The following PRR5L variants were observed in gnomAD, a reference collection of about 807,000 sequenced individuals.
The protein encoded by PRR5L is proline-rich protein 5-like.
In PRR5L, 21 loss-of-function variants were observed where a neutral mutation model predicts 36.4. The observed-to-expected ratio is 0.58, with a 90% CI of 0.41 to 0.83. The LOEUF (loss-of-function observed/expected upper bound fraction) is 0.83, where lower values mean the gene tolerates loss of function less well. PRR5L is among the 40% of genes least tolerant of loss of function. The pLI is 0.00. For missense variants in PRR5L, 381 were observed against 473.3 expected (o/e 0.80, Z 1.81); for synonymous variants, 188 against 197.0 (o/e 0.95, Z 0.38).
rs73445109 is a variant in PRR5L at position 36,377,024 on chromosome 11, T to A, written c.-125-23973T>A. The stretch of plus-strand genomic sequence containing the variant: ...CCGTGAGGTGGGATGCGGATGCTGG[T>A]GATCATGGGACCTAGGCTGAGCCGG... On this transcript the variant is annotated intron_variant, in intron 1 of 8. Transcript: ENST00000530639. The surrounding 1 kb of genome is among the most constrained non-coding windows in gnomAD (Gnocchi z 5.1). Among the ~76,000 whole-genome samples the A allele has an allele frequency of 0.033, 5,007 of 152,146 alleles. 289 individuals carry two copies. Among genetic ancestry groups the A allele is most frequent in the African/African-American group, 0.11 (4,700 of 41,510 alleles).
At chr11:36,301,441 G>A (rs1856375531) in intron 1 of PRR5L, among the ~76,000 whole-genome samples, 1 of 152,190 alleles carries the variant, frequency 6.6e-6, no homozygotes, top group South Asian at 2.1e-4. Flanking sequence ...ATGGGAATGG[G>A]GAGGGGTTAA....
intron 1 of PRR5L, among the ~76,000 whole-genome samples, chr11:36,310,992 C>T: frequency 1.3e-5 from 1 of 74,184 alleles, no homozygotes. Context: ...GAGACTCCGT[C>T]TCCAAAAAAA....
intron 5 of PRR5L, among the ~76,000 whole-genome samples, chr11:36,434,886 G>T (rs981197180): frequency 6.6e-6 from 1 of 152,074 alleles, no homozygotes; most frequent in African/African-American, 2.4e-5. Context: ...TTAGACCTGG[G>T]TTCTCGGGAG....
At chr11:36,316,123 C>T (rs929966412) in intron 1 of PRR5L, among the ~76,000 whole-genome samples, 3 of 152,056 alleles carry the variant, frequency 2.0e-5, no homozygotes, top group Non-Finnish European at 2.9e-5. Flanking sequence ...TTATGAAGGG[C>T]GAGATAGAAA....
intron 1 of PRR5L, among the ~76,000 whole-genome samples, chr11:36,303,747 G>A (rs992400607): frequency 5.9e-5 from 9 of 152,172 alleles, no homozygotes; most frequent in Non-Finnish European, 1.3e-4. Flanking sequence ...TCTTCAGAGG[G>A]CTTAACTGGA....
chr11:36,416,217 C>T (rs1240558149), intron 3 of PRR5L, among the ~76,000 whole-genome samples: 1 of 152,106 alleles, frequency 6.6e-6, no homozygotes, highest in Non-Finnish European at 1.5e-5. Context: ...CCCTGTCTAA[C>T]CATGTTATCA....
At chr11:36,394,056 AT>A (rs1857610763) in intron 1 of PRR5L, 1 of 152,238 alleles carries the variant, frequency 6.6e-6, no homozygotes. Flanking sequence ...AGCCTGCTGT[AT>A]TTTGTAATAG....
At chr11:36,428,941 G>C (rs1858437524) in intron 4 of PRR5L, among the ~76,000 whole-genome samples, 2 of 151,912 alleles carry the variant, frequency 1.3e-5, no homozygotes. Context: ...CTCTTATTTT[G>C]GTCTAAGCTA....
intron 1 of PRR5L, among the ~76,000 whole-genome samples, chr11:36,331,616 C>T (rs1856719995): frequency 6.6e-6 from 1 of 152,120 alleles, no homozygotes; most frequent in Non-Finnish European, 1.5e-5. Context: ...AAACTTTATC[C>T]TTTTAAGAGA....
intron 1 of PRR5L, among the ~76,000 whole-genome samples, chr11:36,299,420 C>G (rs574199659): frequency 6.6e-6 from 1 of 152,220 alleles, no homozygotes; most frequent in Non-Finnish European, 1.5e-5. Context: ...CTCTACACCA[C>G]CAACTGTTCT....
chr11:36,385,508 A>G (rs147474525), intron 1 of PRR5L, among the ~76,000 whole-genome samples: 7 of 152,358 alleles, frequency 4.6e-5, no homozygotes, highest in African/African-American at 1.7e-4. Context: ...CACTTAGTGA[A>G]CACCGTTAAG....
Position 36,312,967 on chromosome 11 carries a change from T to TG in PRR5L, c.-126+16534dup, listed in dbSNP as rs557987344. 8.4e-4 allele frequency among the ~76,000 whole-genome samples: 128 copies of TG among 152,336 alleles called. 2 individuals carry two copies. The highest frequency in any genetic ancestry group is 3.0e-3 in the African/African-American group (126 of 41,562). ...CATTCCAGCTTCCAAGGGCTGAGTG[T>TG]GGGGGTCTCCAGAGGAGCCGCTTTA... On this transcript the variant is annotated intron_variant, in intron 1 of 8. Coordinates refer to ENST00000530639, the MANE Select transcript of PRR5L (RefSeq NM_001160167.2).
chr11:36,433,904 G>C (rs1388399885), intron 5 of PRR5L, among the ~76,000 whole-genome samples: 1 of 152,202 alleles, frequency 6.6e-6, no homozygotes, highest in Non-Finnish European at 1.5e-5. Context: ...GTGGTAAAGG[G>C]AGGGAAAGGA....
At chr11:36,412,011 A>T (rs565287017) in intron 3 of PRR5L, among the ~76,000 whole-genome samples, 2 of 152,266 alleles carry the variant, frequency 1.3e-5, no homozygotes, top group South Asian at 2.1e-4. Flanking sequence ...TTTGATGAGG[A>T]TTAACCCATT....
At chr11:36,457,476 G>A (rs944073577) in intron 8 of PRR5L, among the ~76,000 whole-genome samples, 3 of 152,028 alleles carry the variant, frequency 2.0e-5, no homozygotes, top group South Asian at 4.2e-4. Flanking sequence ...TGTGGTGGTG[G>A]GCACCTGTAG....
intron 1 of PRR5L, among the ~76,000 whole-genome samples, chr11:36,397,252 G>C (rs1160128430): frequency 2.0e-5 from 3 of 151,150 alleles, no homozygotes; most frequent in Non-Finnish European, 4.4e-5. Flanking sequence ...TTTTAGTCGA[G>C]ACAGGGTTTC....
chr11:36,448,208 C>T (rs2458927), intron 7 of PRR5L, among the ~76,000 whole-genome samples: 103,950 of 151,898 alleles, frequency 0.68, 36,331 homozygotes, highest in East Asian at 0.86. Context: ...GTCATCATAC[C>T]CCTGAGTCCC....
intron 1 of PRR5L, among the ~76,000 whole-genome samples, chr11:36,360,437 G>A (rs115607818): frequency 0.026 from 3,982 of 152,280 alleles, 167 homozygotes; most frequent in African/African-American, 0.09. Flanking sequence ...GACGAGAGAT[G>A]TCAGTTTTGC....
chr11:36,338,659 A>G (rs1005985), intron 1 of PRR5L, among the ~76,000 whole-genome samples: 129,465 of 152,150 alleles, frequency 0.85, 55,317 homozygotes, highest in East Asian at 0.99. Context: ...ATGTGACATC[A>G]TGCTCTGTGT....
Sources: allele counts gnomAD v4.1 joint callset (sites outside exome capture counted in the v4.1 genomes callset), GRCh38; gene constraint gnomAD v4.1.1; non-coding constraint Gnocchi (gnomAD v3.1); transcripts MANE v1.5; gene names NCBI Gene and HGNC (gene_info 2026-07-23, HGNC 2026-07-21).